SIPA1L1: variants seen among roughly 807,000 people sequenced by gnomAD.
SIPA1L1 encodes signal induced proliferation associated 1 like 1.
Under a neutral mutation model 162.7 loss-of-function variants are expected in SIPA1L1, and 26 were observed. The ratio of observed to expected loss-of-function variants is 0.16; its 90% CI spans 0.12 to 0.22. The LOEUF is 0.22. Among genes scored for constraint, SIPA1L1 ranks in the 10% least tolerant of loss-of-function variants. The probability of loss-of-function intolerance (pLI) is 1.00; values close to 1 mark genes in which losing one functional copy is unlikely to be tolerated. For synonymous variants in SIPA1L1, 829 were observed against 837.4 expected (o/e 0.99, Z 0.17); for missense variants, 1,874 against 2,241.0 (o/e 0.84, Z 3.31).
At chr14:71,708,151 C>A (rs1220218356) in intron 16 of SIPA1L1, among the ~76,000 whole-genome samples, 1 of 143,646 alleles carries the variant, frequency 7.0e-6, no homozygotes, top group East Asian at 2.1e-4. Flanking sequence ...TCTTTTGTTT[C>A]ATATGCTTTT....
chr14:71,346,957 C>CTT (rs111518020), intron 2 of SIPA1L1, among the ~76,000 whole-genome samples: 208 of 142,750 alleles, frequency 1.5e-3, no homozygotes, highest in Non-Finnish European at 2.5e-3. Flanking sequence ...AATATGTAGT[C>CTT]TTTTTTTTTT....
At chr14:71,468,005 GGTGTGTGTGTGTGT>G (rs56265408) in intron 2 of SIPA1L1, among the ~76,000 whole-genome samples, 14 of 141,606 alleles carry the variant, frequency 9.9e-5, no homozygotes, top group African/African-American at 2.4e-4. Flanking sequence ...CAGTTAGAGG[GGTGTGTGTGTGTGT>G]GTGTGTGTGT....
intron 2 of SIPA1L1, among the ~76,000 whole-genome samples, chr14:71,421,558 T>G (rs1301134163): frequency 6.6e-6 from 1 of 151,870 alleles, no homozygotes; most frequent in Non-Finnish European, 1.5e-5. Flanking sequence ...ATCACTCTAC[T>G]GTACTCCATC....
At chr14:71,476,463 T>C (rs937885431) in intron 2 of SIPA1L1, among the ~76,000 whole-genome samples, 1 of 152,196 alleles carries the variant, frequency 6.6e-6, no homozygotes, top group East Asian at 1.9e-4. Flanking sequence ...ATTTTATAAG[T>C]ACACTGGTTT....
chr14:71,543,739 CTG>C (rs1212887540), intron 4 of SIPA1L1, among the ~76,000 whole-genome samples: 5 of 145,150 alleles, frequency 3.4e-5, no homozygotes, highest in Admixed American at 7.0e-5. Context: ...CAAGTCTTGA[CTG>C]TTTTTCTAAA....
chr14:71,579,972 C>T (rs188607048), intron 4 of SIPA1L1, among the ~76,000 whole-genome samples: 4 of 152,234 alleles, frequency 2.6e-5, no homozygotes, highest in South Asian at 2.1e-4. Flanking sequence ...ATAGAGATGG[C>T]GCCCTGTGTC....
chr14:71,383,744 T>A (rs1005188346), intron 2 of SIPA1L1, among the ~76,000 whole-genome samples: 1 of 151,910 alleles, frequency 6.6e-6, no homozygotes, highest in African/African-American at 2.4e-5. Context: ...TCAGGTGAAC[T>A]AACTGAGCCA....
In SIPA1L1 at chr14:71,699,142, G is replaced by T. The variant is rs754176807; in HGVS notation, c.3521+15G>T. The T allele has an allele frequency of 6.2e-7, 1 of 1,613,560 alleles. No homozygotes were observed. The highest frequency in any genetic ancestry group is 8.5e-7 in the Non-Finnish European group (1 of 1,179,486). Reference sequence around the variant, plus strand: ...ATGCCCGAAGGGTAGTTATGCGTTTGTCCCATTGTACATGGTCCCTGTTGG... The same window carrying T: ...ATGCCCGAAGGGTAGTTATGCGTTTTTCCCATTGTACATGGTCCCTGTTGG... On this transcript the variant is annotated intron_variant, in intron 14 of 23. Coordinates refer to ENST00000381232, the MANE Select transcript of SIPA1L1 (RefSeq NM_001386936.1).
chr14:71,721,725 T>G (rs1487407346), intron 17 of SIPA1L1, among the ~76,000 whole-genome samples: 2 of 152,184 alleles, frequency 1.3e-5, no homozygotes, highest in Non-Finnish European at 2.9e-5. Context: ...CTGCCTGGAG[T>G]TGGAGGACTG....
intron 5 of SIPA1L1, among the ~76,000 whole-genome samples, chr14:71,607,791 C>T (rs1323284410): frequency 6.6e-6 from 1 of 152,114 alleles, no homozygotes; most frequent in Non-Finnish European, 1.5e-5. Context: ...GTTATCTGTG[C>T]CCCAACACCA....
chr14:71,599,953 G>A (rs113769158), intron 5 of SIPA1L1, among the ~76,000 whole-genome samples: 1 of 152,026 alleles, frequency 6.6e-6, no homozygotes, highest in East Asian at 1.9e-4. Context: ...TGTTTTAATA[G>A]GATTATTTGT....
chr14:71,617,770 T>C (rs1035352513), intron 5 of SIPA1L1, among the ~76,000 whole-genome samples: 1 of 152,228 alleles, frequency 6.6e-6, no homozygotes, highest in Non-Finnish European at 1.5e-5. Flanking sequence ...TTTAGCCGTG[T>C]CAGATATAAA....
At position 71,361,053 on chromosome 14, in the gene SIPA1L1, T is replaced by C. The variant is rs79791100; in HGVS notation, c.-465+39872T>C. Among the ~76,000 whole-genome samples, 940 of 152,282 alleles carry C rather than the reference T, an allele frequency of 6.2e-3. 51 individuals carry two copies. The East Asian group carries it at 0.13, about 21-fold the overall frequency. On this transcript the variant is annotated intron_variant, in intron 2 of 23. Coordinates refer to ENST00000381232, the MANE Select transcript of SIPA1L1 (RefSeq NM_001386936.1). ...TCCTGAGGATAAAATTATACTGGTA[T>C]GGAGAAAGACAGCAAACCTCACTGT...
intron 4 of SIPA1L1, among the ~76,000 whole-genome samples, chr14:71,575,318 C>T (rs1244641616): frequency 6.6e-6 from 1 of 152,082 alleles, no homozygotes; most frequent in African/African-American, 2.4e-5. Flanking sequence ...TGCCCCCAGC[C>T]CACACACAGT....
chr14:71,330,352 T>G, intron 2 of SIPA1L1: 2 of 859,656 alleles, frequency 2.3e-6, no homozygotes, highest in Non-Finnish European at 4.1e-6. Context: ...CACAGTCCTC[T>G]CTTTTTGGCG....
intron 2 of SIPA1L1, among the ~76,000 whole-genome samples, chr14:71,478,660 A>T (rs539788705): frequency 1.3e-5 from 2 of 152,300 alleles, no homozygotes; most frequent in East Asian, 3.9e-4. Context: ...AATTGGTTAT[A>T]TTTGTGTAAG....
chr14:71,577,025 G>C (rs2033139635), intron 4 of SIPA1L1, among the ~76,000 whole-genome samples: 1 of 148,274 alleles, frequency 6.7e-6, no homozygotes, highest in Non-Finnish European at 1.5e-5. Flanking sequence ...AGAGGTTGCA[G>C]TGAGCTGAGA....
At chr14:71,637,537 C>G (rs2041282362) in intron 7 of SIPA1L1, among the ~76,000 whole-genome samples, 1 of 151,904 alleles carries the variant, frequency 6.6e-6, no homozygotes, top group African/African-American at 2.4e-5. Flanking sequence ...CAGCATTAGC[C>G]TGGGCAACAT....
chr14:71,406,672 G>T (rs1412114916), intron 2 of SIPA1L1, among the ~76,000 whole-genome samples: 1 of 152,068 alleles, frequency 6.6e-6, no homozygotes, highest in Non-Finnish European at 1.5e-5. Context: ...TCTTCAGTAT[G>T]TTTCAGGATT....
Sources: allele counts gnomAD v4.1 joint callset (sites outside exome capture counted in the v4.1 genomes callset), GRCh38; gene constraint gnomAD v4.1.1; transcripts MANE v1.5; gene names NCBI Gene and HGNC (gene_info 2026-07-23, HGNC 2026-07-21).